Variants in HACE1 observed in about 807,000 individuals in gnomAD.
HACE1 encodes E3 ubiquitin-protein ligase HACE1.
In HACE1, 73 loss-of-function variants were observed where a neutral mutation model predicts 118.4. That is an observed-to-expected ratio of 0.62 (90% CI 0.51 to 0.75). The LOEUF (loss-of-function observed/expected upper bound fraction) is 0.75, where lower values mean the gene tolerates loss of function less well. Ranked by LOEUF, HACE1 falls within the 30% of genes least tolerant of loss-of-function variation. HACE1 has a pLI of 0.00. For synonymous variants in HACE1, 368 were observed against 374.8 expected (o/e 0.98, Z 0.21); for missense variants, 749 against 1,102.2 (o/e 0.68, Z 4.54).
At chr6:104,835,616 G>A (rs1774455296) in intron 5 of HACE1, among the ~76,000 whole-genome samples, 1 of 151,792 alleles carries the variant, frequency 6.6e-6, no homozygotes, top group Admixed American at 6.6e-5. Flanking sequence ...ATAGGAGTTG[G>A]GGAAAAAATA....
intron 21 of HACE1, 106 bp downstream of exon 21, chr6:104,744,406 C>CA: frequency 1.2e-6 from 1 of 829,212 alleles, no homozygotes; most frequent in South Asian, 1.4e-5. Flanking sequence ...TTTGGGTAAA[C>CA]ACTTTACTTT....
intron 6 of HACE1, among the ~76,000 whole-genome samples, chr6:104,826,481 C>T (rs1243830251): frequency 1.3e-5 from 2 of 152,104 alleles, no homozygotes; most frequent in Admixed American, 1.3e-4. Flanking sequence ...CCTAAAATCC[C>T]ACAAATACTT....
chr6:104,732,760 A>C (rs1472032007), intron 22 of HACE1, among the ~76,000 whole-genome samples: 3 of 152,218 alleles, frequency 2.0e-5, no homozygotes, highest in Admixed American at 2.0e-4. Flanking sequence ...ATTTGAAATC[A>C]CTGATATGTA....
chr6:104,851,844 A>AC (rs1433573634), intron 2 of HACE1, among the ~76,000 whole-genome samples: 1 of 152,004 alleles, frequency 6.6e-6, no homozygotes, highest in East Asian at 1.9e-4. Context: ...AAGTGTAAAG[A>AC]CCCCCTCACA....
intron 19 of HACE1, among the ~76,000 whole-genome samples, chr6:104,751,585 G>A (rs1321404901): frequency 9.2e-5 from 14 of 151,996 alleles, no homozygotes; most frequent in Admixed American, 2.0e-4. Flanking sequence ...AACTATGACC[G>A]TGCCACCACA....
intron 20 of HACE1, among the ~76,000 whole-genome samples, chr6:104,746,992 A>AT (rs1392547817): frequency 6.6e-6 from 1 of 151,938 alleles, no homozygotes; most frequent in African/African-American, 2.4e-5. Context: ...AATTGTTACG[A>AT]TTTTTTTTCA....
chr6:104,837,439 G>GA (rs112264629), intron 5 of HACE1, among the ~76,000 whole-genome samples: 1 of 151,568 alleles, frequency 6.6e-6, no homozygotes, highest in African/African-American at 2.4e-5. Flanking sequence ...TTCATAGGCA[G>GA]AAAAAAAAGA....
intron 14 of HACE1, among the ~76,000 whole-genome samples, chr6:104,783,792 G>A (rs903766131): frequency 6.6e-6 from 1 of 152,202 alleles, no homozygotes; most frequent in African/African-American, 2.4e-5. Context: ...AAATGTATTT[G>A]GGGGCTAAAA....
chr6:104,742,015 C>A (rs965563747), intron 22 of HACE1, among the ~76,000 whole-genome samples: 17 of 147,984 alleles, frequency 1.1e-4, no homozygotes, highest in African/African-American at 4.1e-4. Flanking sequence ...CACGTATCTA[C>A]AACTATCTGA....
intron 6 of HACE1, among the ~76,000 whole-genome samples, chr6:104,828,274 T>C (rs1773526106): frequency 6.6e-6 from 1 of 151,910 alleles, no homozygotes; most frequent in Non-Finnish European, 1.5e-5. Context: ...CATAAATAAA[T>C]AAAGGGTCTA....
At chr6:104,755,800 T>C (rs1317154630) in intron 19 of HACE1, among the ~76,000 whole-genome samples, 1 of 152,190 alleles carries the variant, frequency 6.6e-6, no homozygotes. Context: ...GGGAAATTTA[T>C]AGCACTAAAT....
intron 7 of HACE1, among the ~76,000 whole-genome samples, chr6:104,798,826 T>A (rs1260239316): frequency 3.9e-5 from 6 of 152,232 alleles, no homozygotes; most frequent in Admixed American, 3.9e-4. Context: ...GCCAAGGTTC[T>A]GAGGAATCCA....
chr6:104,748,234 C>A (rs1777647999), intron 20 of HACE1, among the ~76,000 whole-genome samples: 1 of 134,262 alleles, frequency 7.4e-6, no homozygotes, highest in African/African-American at 3.3e-5. Context: ...AAGAGTCCTA[C>A]AAATCAGTAA....
At chr6:104,822,203 T>A (rs1363361201) in intron 6 of HACE1, among the ~76,000 whole-genome samples, 8 of 102,974 alleles carry the variant, frequency 7.8e-5, no homozygotes, top group East Asian at 2.7e-4. Context: ...CCGTCTCTAC[T>A]AAAAAAAAAA....
At chr6:104,853,780 T>C (rs559474336) in intron 1 of HACE1, among the ~76,000 whole-genome samples, 1 of 152,278 alleles carries the variant, frequency 6.6e-6, no homozygotes, top group East Asian at 1.9e-4. Flanking sequence ...AGGGGACACA[T>C]CACTTTTGCA....
rs1215094604 is a variant in HACE1, at chr6:104,784,089, T to C, written c.1563A>G (p.Ala521=). Residue 521 remains alanine (A), a synonymous_variant, in exon 14 of 24, where the codon GCA becomes GCG. Transcript: ENST00000262903. ...LMSRFMHIIK[A]QPFKDRCEWF... ...AAAGATGAAGAAAAATTTCTACCTG[T>C]GCTTTTATGATATGCATGAATCTTG... 6 of 1,525,890 alleles carry C rather than the reference T, an allele frequency of 3.9e-6. No individual in the cohort carries two copies. The Admixed American group carries it at 1.0e-4, about 25-fold the overall frequency. 94.5% of individuals were successfully genotyped at this position (1,525,890 alleles called of 1,614,324 possible). A position where few individuals can be genotyped will look rare whatever the true frequency, so the allele number is the denominator to read the frequency against.
In HACE1 at chr6:104,728,985, GA is replaced by G. The variant is rs1679849505; in HGVS notation, c.*676del. On this transcript the variant is annotated 3_prime_UTR_variant, in exon 24 of 24. Coordinates refer to ENST00000262903, the MANE Select transcript of HACE1 (RefSeq NM_020771.4). ...AAATGAGGCGTAAGAAAAACATTGA[GA>G]CCATAATATATACATATGGAAAACT... is the stretch of plus-strand genomic sequence containing the variant. The G allele has an allele frequency of 6.6e-6, 1 of 152,432 alleles. No homozygotes were observed. The highest frequency in any genetic ancestry group is 2.4e-5 in the African/African-American group (1 of 41,388). The allele number at this position is 152,432 out of a possible 1,614,324, so 9.4% of individuals were successfully genotyped here.
chr6:104,747,288 T>G (rs1376520311), intron 20 of HACE1, among the ~76,000 whole-genome samples: 1 of 152,134 alleles, frequency 6.6e-6, no homozygotes, highest in Non-Finnish European at 1.5e-5. Context: ...GGTTCTATCA[T>G]GGATAAATTC....
intron 11 of HACE1, chr6:104,787,321 G>A (rs1449329821): frequency 2.0e-5 from 3 of 152,076 alleles, no homozygotes; most frequent in South Asian, 4.1e-4. Context: ...TACTCACAAC[G>A]GTTGACAGAT....
Sources: allele counts gnomAD v4.1 joint callset (sites outside exome capture counted in the v4.1 genomes callset), GRCh38; gene constraint gnomAD v4.1.1; transcripts MANE v1.5; gene names NCBI Gene and HGNC (gene_info 2026-07-23, HGNC 2026-07-21).